Variants in DNAH7 observed in about 807,000 individuals in gnomAD.
DNAH7 encodes axonemal beta dynein heavy chain 7.
Under a neutral mutation model 444.6 loss-of-function variants are expected in DNAH7, and 397 were observed. That is an observed-to-expected ratio of 0.89 (90% confidence interval 0.82 to 0.97). The LOEUF is 0.97. DNAH7 is among the 50% of genes least tolerant of loss of function. The pLI is 0.00. For synonymous variants in DNAH7, 1,636 were observed against 1,624.4 expected (o/e 1.01, Z -0.17); for missense variants, 4,902 against 4,800.8 (o/e 1.02, Z -0.62).
At chr2:195,820,077 C>T (rs1219560790) in intron 49 of DNAH7, among the ~76,000 whole-genome samples, 1 of 152,144 alleles carries the variant, frequency 6.6e-6, no homozygotes. Context: ...GCAGGTATGA[C>T]CCAAGGAGCA....
At chr2:195,875,957 G>A (rs766742864) in intron 37 of DNAH7, 114 bp from the exon 38 acceptor site, 29 of 929,316 alleles carry the variant, frequency 3.1e-5, no homozygotes, top group Admixed American at 6.6e-5. Context: ...GTACATATGA[G>A]GAAGTGATGG....
intron 51 of DNAH7, among the ~76,000 whole-genome samples, chr2:195,811,050 T>A (rs1483564932): frequency 6.6e-6 from 1 of 152,206 alleles, no homozygotes; most frequent in Non-Finnish European, 1.5e-5. Flanking sequence ...TCAGGTTCAA[T>A]CACTAGTAAA....
intron 2 of DNAH7, among the ~76,000 whole-genome samples, chr2:196,055,860 A>G (rs1416353104): frequency 6.6e-6 from 1 of 152,174 alleles, no homozygotes; most frequent in African/African-American, 2.4e-5. Flanking sequence ...CTGACTTTTT[A>G]AGATCTCTGC....
chr2:195,959,240 A>C (rs1400396318), intron 18 of DNAH7, among the ~76,000 whole-genome samples: 1 of 152,122 alleles, frequency 6.6e-6, no homozygotes, highest in Non-Finnish European at 1.5e-5. Flanking sequence ...TGTCTTTCTA[A>C]AATATTTTTC....
At chr2:195,936,838 T>A in intron 19 of DNAH7, 46 bp from the exon 20 acceptor site, 1 of 1,265,498 alleles carries the variant, frequency 7.9e-7, no homozygotes, top group South Asian at 1.8e-5. Context: ...TATTAGATAC[T>A]AACTCTATTT....
intron 5 of DNAH7, among the ~76,000 whole-genome samples, chr2:196,034,477 G>A (rs949328848): frequency 2.6e-5 from 4 of 152,244 alleles, no homozygotes; most frequent in East Asian, 1.9e-4. Context: ...CAGTCTCAAC[G>A]CAATGCTTTC....
Position 195,864,690 on chromosome 2 carries a change from T to C in DNAH7, c.6965A>G (p.His2322Arg). 1 of 1,614,250 alleles carries C rather than the reference T, an allele frequency of 6.2e-7. No individual in the cohort carries two copies. The highest frequency in any genetic ancestry group is 8.5e-7 in the Non-Finnish European group (1 of 1,180,036). The stretch of plus-strand genomic sequence containing the variant: ...CAGGATCCTGGAAATTCTGCTGATG[T>C]GCTCTATGGCAAATCGAAACAAGAC... ...NLVLFRFAIE[H>R]ISRISRILKQ... The change falls in exon 41 of 65, where the codon CAC becomes CGC. Residue 2322 changes from histidine to arginine, a missense_variant. Transcript: ENST00000312428.
intron 18 of DNAH7, among the ~76,000 whole-genome samples, chr2:195,958,559 G>C (rs548938115): frequency 3.3e-5 from 5 of 152,234 alleles, no homozygotes; most frequent in Non-Finnish European, 7.4e-5. Context: ...CAATTTATAA[G>C]ATGTAACTGG....
At chr2:195,834,086 A>G in intron 48 of DNAH7, 120 bp downstream of exon 48, 1 of 1,001,216 alleles carries the variant, frequency 1.0e-6, no homozygotes, top group Admixed American at 2.4e-5. Context: ...ATGTGCCTGT[A>G]GTCTCAGCTA....
At chr2:195,841,632 A>G (rs186412223) in intron 47 of DNAH7, among the ~76,000 whole-genome samples, 145 of 152,106 alleles carry the variant, frequency 9.5e-4, no homozygotes, top group African/African-American at 3.2e-3. Flanking sequence ...CAAAACGAAC[A>G]AGCACTACAT....
At chr2:195,900,985 G>C (rs1452247710) in intron 27 of DNAH7, 1 of 152,108 alleles carries the variant, frequency 6.6e-6, no homozygotes, top group Non-Finnish European at 1.5e-5. Context: ...AAAGAGGTTA[G>C]GGAATTAAAT....
intron 10 of DNAH7, 50 bp downstream of exon 10, chr2:196,012,737 A>T: frequency 6.3e-7 from 1 of 1,582,096 alleles, no homozygotes; most frequent in Non-Finnish European, 8.6e-7. Flanking sequence ...AGTAGCCCAC[A>T]ATCATATTTT....
At chr2:196,000,938 A>G in intron 11 of DNAH7, 55 bp from the exon 12 acceptor site, 1 of 1,409,656 alleles carries the variant, frequency 7.1e-7, no homozygotes, top group Non-Finnish European at 9.5e-7. Context: ...GTGACAGACT[A>G]AGTAGTACAC....
At position 195,981,484 on chromosome 2, in the gene DNAH7, G is replaced by A. The variant is rs763864678; in HGVS notation, c.1833+3148C>T. On this transcript the variant is annotated intron_variant, in intron 15 of 64. Coordinates refer to ENST00000312428, the MANE Select transcript of DNAH7 (RefSeq NM_018897.3). ...AAAAACTTAAAATTTATACGAAACCGCAAAAACCCCAGAATAGCCAAAGCT... is the reference window on the plus strand; with the variant it reads ...AAAAACTTAAAATTTATACGAAACCACAAAAACCCCAGAATAGCCAAAGCT... Among the ~76,000 whole-genome samples, 12 of 151,022 alleles carry A rather than the reference G, an allele frequency of 7.9e-5. No homozygotes were observed. The East Asian group carries it at 1.2e-3, about 15-fold the overall frequency.
At chr2:195,999,001 T>A in intron 12 of DNAH7, 2 of 665,402 alleles carry the variant, frequency 3.0e-6, no homozygotes, top group Non-Finnish European at 5.6e-6. Flanking sequence ...CTTGGTGGTC[T>A]AAGCTTTGCT....
intron 47 of DNAH7, among the ~76,000 whole-genome samples, chr2:195,841,806 G>T (rs1698704809): frequency 6.6e-6 from 1 of 151,762 alleles, no homozygotes; most frequent in African/African-American, 2.4e-5. Flanking sequence ...AATTTTTATA[G>T]CACTCAATGT....
chr2:195,954,157 C>T (rs565075680), intron 19 of DNAH7, among the ~76,000 whole-genome samples: 75 of 152,262 alleles, frequency 4.9e-4, no homozygotes, highest in African/African-American at 1.7e-3. Context: ...AGGTATATCT[C>T]CTAATGCTAT....
At chr2:195,912,455 G>A (rs1202977792) in intron 24 of DNAH7, among the ~76,000 whole-genome samples, 2 of 152,152 alleles carry the variant, frequency 1.3e-5, no homozygotes, top group East Asian at 1.9e-4. Context: ...TCCAGATCCC[G>A]AGAGCCAGAT....
rs1695145039 is a variant in DNAH7, at chr2:196,018,193, T to C, written c.869+977A>G. 2.6e-5 allele frequency among the ~76,000 whole-genome samples: 4 copies of C among 152,158 alleles called. No homozygotes were observed. The South Asian group carries it at 8.3e-4, about 31-fold the overall frequency. ...AACTAACAAACACATGAAAAGATGT[T>C]CAGATTCCCTAGTAGTCTAGCAAAG... On this transcript the variant is annotated intron_variant, in intron 9 of 64. Coordinates refer to ENST00000312428, the MANE Select transcript of DNAH7 (RefSeq NM_018897.3).
Sources: gnomAD v4.1 joint callset for allele counts (sites outside exome capture counted in the v4.1 genomes callset) on GRCh38, gnomAD v4.1.1 for gene constraint, MANE v1.5 for transcripts, NCBI Gene and HGNC (gene_info 2026-07-23, HGNC 2026-07-21) for gene names.